MAPRE3: variants seen among roughly 807,000 people sequenced by gnomAD.
MAPRE3 encodes the protein microtubule associated protein RP/EB family member 3.
A neutral mutation model predicts 30.5 loss-of-function variants in MAPRE3; 2 were observed. The ratio of observed to expected loss-of-function variants is 0.07; its 90% CI spans 0.03 to 0.21. The LOEUF is 0.21. MAPRE3 is among the 10% of genes least tolerant of loss of function. The probability of loss-of-function intolerance (pLI) is 1.00; values close to 1 mark genes in which losing one functional copy is unlikely to be tolerated. For synonymous variants in MAPRE3, 110 were observed against 127.7 expected, an observed-to-expected ratio of 0.86 and a Z score of 0.93; for missense variants, 204 against 351.8, an observed-to-expected ratio of 0.58 and a Z score of 3.36.
At chr2:27,025,471 A>G in intron 4 of MAPRE3, 112 bp from the exon 5 acceptor site, 1 of 1,105,406 alleles carries the variant, frequency 9.0e-7, no homozygotes, top group South Asian at 1.6e-5. Context: ...CAGGGGGGTG[A>G]GAGTGCCTGC....
At chr2:27,020,071 G>A (rs567260094) in intron 1 of MAPRE3, among the ~76,000 whole-genome samples, 2 of 152,324 alleles carry the variant, frequency 1.3e-5, no homozygotes, top group South Asian at 2.1e-4. Flanking sequence ...GTCCCACTGC[G>A]CAGGTCTGGG....
At chr2:26,993,925 G>A (rs188619310) in intron 1 of MAPRE3, among the ~76,000 whole-genome samples, 12 of 152,254 alleles carry the variant, frequency 7.9e-5, no homozygotes, top group African/African-American at 1.9e-4. Context: ...AGGAGATGGC[G>A]CTCTCCCCCC....
chr2:26,982,537 G>T (rs1411867368), intron 1 of MAPRE3, among the ~76,000 whole-genome samples: 2 of 152,252 alleles, frequency 1.3e-5, no homozygotes, highest in African/African-American at 4.8e-5. Context: ...ACAGCTTGCA[G>T]TACAGGCCTC....
At position 26,986,478 on chromosome 2, in the gene MAPRE3, C is replaced by A. The variant is rs1261746735; in HGVS notation, c.-8+15676C>A. 6.6e-6 allele frequency: 1 copy of A among 152,204 alleles called. No individual in the cohort carries two copies. The highest frequency in any genetic ancestry group is 1.5e-5 in the Non-Finnish European group (1 of 68,040). 9.4% of individuals were successfully genotyped at this position (152,204 alleles called of 1,614,324 possible). A position where few individuals can be genotyped will look rare whatever the true frequency, so the allele number is the denominator to read the frequency against. ...AAAAGCAGTATCAAAGGAAACACTT[C>A]TTTATACAGAAGTGGTATCCATGGA... is the stretch of plus-strand genomic sequence containing the variant. On this transcript the variant is annotated intron_variant, in intron 1 of 6. Transcript: ENST00000233121. The surrounding 1 kb of genome is among the most constrained non-coding windows in gnomAD (Gnocchi z 4.2).
chr2:27,016,486 G>A (rs956661008), intron 1 of MAPRE3, among the ~76,000 whole-genome samples: 5 of 149,096 alleles, frequency 3.4e-5, no homozygotes, highest in African/African-American at 7.4e-5. Flanking sequence ...CCGGGTTCAC[G>A]CCATTCTCCT....
intron 1 of MAPRE3, among the ~76,000 whole-genome samples, chr2:26,981,674 A>G (rs1421500737): frequency 6.6e-6 from 1 of 152,192 alleles, no homozygotes; most frequent in Non-Finnish European, 1.5e-5. Flanking sequence ...AGAAATGAAG[A>G]TGGAGCTGGA....
chr2:27,016,307 A>G (rs1418901532), intron 1 of MAPRE3, among the ~76,000 whole-genome samples: 1 of 150,834 alleles, frequency 6.6e-6, no homozygotes, highest in Admixed American at 6.6e-5. Flanking sequence ...GTGGCTACCT[A>G]CCATTCTCTC....
chr2:26,974,574 A>C (rs2148194602), intron 1 of MAPRE3, among the ~76,000 whole-genome samples: 1 of 152,224 alleles, frequency 6.6e-6, no homozygotes, highest in East Asian at 1.9e-4. Flanking sequence ...CTCAGAATGG[A>C]ACCTTTTGTA....
chr2:27,020,141 C>T (rs543666502), intron 1 of MAPRE3, among the ~76,000 whole-genome samples: 15 of 152,214 alleles, frequency 9.9e-5, no homozygotes, highest in African/African-American at 3.6e-4. Flanking sequence ...GACGGCATTC[C>T]AGACAGAGGG....
intron 4 of MAPRE3, among the ~76,000 whole-genome samples, 159 bp from the exon 5 acceptor site, chr2:27,025,424 C>T (rs992131237): frequency 1.3e-5 from 2 of 152,196 alleles, no homozygotes; most frequent in African/African-American, 2.4e-5. Context: ...GGCCAAGACT[C>T]GGGGCCTAGC....
chr2:27,019,764 T>C (rs187401945), intron 1 of MAPRE3, among the ~76,000 whole-genome samples: 98 of 152,364 alleles, frequency 6.4e-4, no homozygotes, highest in African/African-American at 2.1e-3. Context: ...CAAGGTTTAT[T>C]TTTCAAAGGA....
At chr2:26,984,152 C>A (rs1449706512) in intron 1 of MAPRE3, among the ~76,000 whole-genome samples, 2 of 152,152 alleles carry the variant, frequency 1.3e-5, no homozygotes, top group African/African-American at 4.8e-5. Context: ...CGACCTTGCC[C>A]ATATTTTCAG....
chr2:27,023,402 G>A lies in MAPRE3; in HGVS notation c.192G>A (p.Gln64=). Residue 64 remains glutamine (Q), a synonymous_variant, in exon 3 of 7, where the codon CAG becomes CAA. Coordinates refer to ENST00000233121, the MANE Select transcript of MAPRE3 (RefSeq NM_012326.4). ...TGCACTTGAGGAAAGTGAAGTTCCA[G>A]GCCAAACTAGAGCACGAATACATCC... ...GCVHLRKVKF[Q]AKLEHEYIHN... is the part of the protein sequence containing the mutation. 1 of 1,614,096 alleles carries A rather than the reference G, an allele frequency of 6.2e-7. No individual in the cohort carries two copies. Among genetic ancestry groups the A allele is most frequent in the South Asian group, 1.1e-5 (1 of 91,086 alleles).
At chr2:26,979,412 C>T (rs912984204) in intron 1 of MAPRE3, among the ~76,000 whole-genome samples, 2 of 152,210 alleles carry the variant, frequency 1.3e-5, no homozygotes, top group East Asian at 1.9e-4. Flanking sequence ...ATAGCGAGAC[C>T]CCATCTACAA....
At chr2:26,972,614 C>T (rs1039786409) in intron 1 of MAPRE3, among the ~76,000 whole-genome samples, 8 of 152,176 alleles carry the variant, frequency 5.3e-5, no homozygotes, top group South Asian at 2.1e-4. Flanking sequence ...CACCAAAATA[C>T]CCGAGCAGGG....
chr2:27,011,845 C>CAAAAAAAAAA (rs377088615), intron 1 of MAPRE3: 7 of 69,534 alleles, frequency 1.0e-4, no homozygotes, highest in East Asian at 4.5e-4. Flanking sequence ...GACTCCATCT[C>CAAAAAAAAAA]AAAAAAAAAA....
intron 1 of MAPRE3, among the ~76,000 whole-genome samples, chr2:27,006,558 G>C (rs776353593): frequency 4.3e-4 from 66 of 152,264 alleles, no homozygotes; most frequent in Non-Finnish European, 4.7e-4. Context: ...AGCCTCCCAA[G>C]TAGCTGGGAC....
At chr2:27,025,510 T>A in intron 4 of MAPRE3, 73 bp from the exon 5 acceptor site, 1 of 1,472,828 alleles carries the variant, frequency 6.8e-7, no homozygotes, top group Non-Finnish European at 9.1e-7. Flanking sequence ...CCCGCAGTCC[T>A]CACACCAGGC....
chr2:27,026,292 C>T lies in MAPRE3; in HGVS notation c.790C>T (p.Pro264Ser). Residue 264 changes from proline to serine, a missense_variant, in exon 7 of 7, where the codon CCC becomes TCC. This residue lies in a region of MAPRE3 where 26 missense variants were observed against 25.6 expected (regional missense o/e 1.02). Coordinates refer to ENST00000233121, the MANE Select transcript of MAPRE3 (RefSeq NM_012326.4). The stretch of plus-strand genomic sequence containing the variant: ...TCCCACCCTCCAGGAAGGATTCGCA[C>T]CCCCTGAGGACGATGAGATTGAAGA... Reference protein sequence around the residue: ...ILYATEEGFAPPEDDEIEEHQ... With the variant: ...ILYATEEGFASPEDDEIEEHQ... 1 of 1,613,832 alleles carries T rather than the reference C, an allele frequency of 6.2e-7. No homozygotes were observed. The highest frequency in any genetic ancestry group is 1.3e-5 in the African/African-American group (1 of 75,042).
Sources: allele counts gnomAD v4.1 joint callset (sites outside exome capture counted in the v4.1 genomes callset), GRCh38; gene constraint gnomAD v4.1.1; regional missense constraint gnomAD v4.1.1; non-coding constraint Gnocchi (gnomAD v3.1); transcripts MANE v1.5; gene names NCBI Gene and HGNC (gene_info 2026-07-23, HGNC 2026-07-21).